Variants in CA10 observed in about 807,000 individuals in gnomAD.
CA10 encodes the protein carbonic anhydrase 10 (inactive), also known as carbonic anhydrase-related protein 10.
In CA10, 14 loss-of-function variants were observed where a neutral mutation model predicts 44.2. The observed-to-expected ratio is 0.32, with a 90% CI of 0.21 to 0.50. CA10 has a LOEUF of 0.50. Among genes scored for constraint, CA10 ranks in the 20% least tolerant of loss-of-function variants. The pLI is 0.99. For missense variants in CA10, 350 were observed against 409.7 expected, an observed-to-expected ratio of 0.85 and a Z score of 1.26; for synonymous variants, 159 against 141.6, an observed-to-expected ratio of 1.12 and a Z score of -0.87.
At chr17:51,660,861 C>T (rs1217147435) in intron 4 of CA10, among the ~76,000 whole-genome samples, 7 of 152,062 alleles carry the variant, frequency 4.6e-5, no homozygotes, top group Non-Finnish European at 8.8e-5. Flanking sequence ...TTCTTTCAGC[C>T]TCCCTTATAT....
intron 3 of CA10, among the ~76,000 whole-genome samples, chr17:51,777,441 G>T (rs550963004): frequency 2.0e-5 from 3 of 152,140 alleles, no homozygotes; most frequent in Non-Finnish European, 4.4e-5. Context: ...ATGGAGGGCC[G>T]ATTTTTTTGT....
chr17:51,987,183 A>G (rs1984870820), intron 2 of CA10, among the ~76,000 whole-genome samples: 2 of 152,056 alleles, frequency 1.3e-5, no homozygotes, highest in South Asian at 4.1e-4. Context: ...TTATGATGGA[A>G]TACTACTTAG....
intron 3 of CA10, among the ~76,000 whole-genome samples, chr17:51,784,376 G>T (rs566735717): frequency 6.6e-6 from 1 of 152,314 alleles, no homozygotes; most frequent in East Asian, 1.9e-4. Flanking sequence ...AGTTATGCCT[G>T]GTTTTGGAAA....
intron 2 of CA10, among the ~76,000 whole-genome samples, chr17:51,963,388 T>C (rs929940464): frequency 1.3e-5 from 2 of 151,966 alleles, no homozygotes; most frequent in African/African-American, 2.4e-5. Flanking sequence ...GCTAGAGAGG[T>C]AGACATCTAG....
At chr17:52,072,493 T>C (rs941506078) in intron 1 of CA10, 100 bp from the exon 2 acceptor site, 14 of 808,926 alleles carry the variant, frequency 1.7e-5, no homozygotes, top group Non-Finnish European at 2.9e-5. Flanking sequence ...AATAACCCTT[T>C]TCTACCCCAA....
intron 3 of CA10, among the ~76,000 whole-genome samples, chr17:51,907,477 T>C (rs1598111357): frequency 1.3e-5 from 2 of 152,138 alleles, no homozygotes; most frequent in East Asian, 1.9e-4. Flanking sequence ...TGTATATATG[T>C]GTGTATATAT....
intron 1 of CA10, among the ~76,000 whole-genome samples, chr17:52,086,288 A>G (rs1988115294): frequency 6.6e-6 from 1 of 152,198 alleles, no homozygotes; most frequent in African/African-American, 2.4e-5. Context: ...TTTCTCATAC[A>G]TATAAATTTC....
At chr17:52,136,010 A>T (rs1476627594) in intron 1 of CA10, among the ~76,000 whole-genome samples, 1 of 152,196 alleles carries the variant, frequency 6.6e-6, no homozygotes. Flanking sequence ...CAAATAAATA[A>T]GCCTTGCATA....
At chr17:51,990,612 GTGATCCTCTTTTC>G (rs1985007070) in intron 2 of CA10, among the ~76,000 whole-genome samples, 1 of 152,030 alleles carries the variant, frequency 6.6e-6, no homozygotes, top group South Asian at 2.1e-4. Flanking sequence ...ACATCAATTA[GTGATCCTCTTTTC>G]AGATTCTCTT....
rs193248523 is a variant in CA10, at chr17:51,708,381, G to A, written c.465+39252C>T. On this transcript the variant is annotated intron_variant, in intron 4 of 8. Coordinates refer to ENST00000451037, the MANE Select transcript of CA10 (RefSeq NM_020178.5). ...CAATATCAATATGCAACTTGTGATA[G>A]GTTGTAGTTAAATAAATTTGTTGTT... is the stretch of plus-strand genomic sequence containing the variant. 2.3e-3 allele frequency among the ~76,000 whole-genome samples: 355 copies of A among 152,284 alleles called. 1 individual carries two copies. The highest frequency in any genetic ancestry group is 7.7e-3 in the African/African-American group (321 of 41,568).
intron 4 of CA10, among the ~76,000 whole-genome samples, chr17:51,690,600 T>C (rs1341871235): frequency 6.6e-6 from 1 of 152,156 alleles, no homozygotes; most frequent in Non-Finnish European, 1.5e-5. Context: ...ATAAGTCTCA[T>C]GAGATCTGAT....
At chr17:51,867,743 T>A (rs1221325066) in intron 3 of CA10, among the ~76,000 whole-genome samples, 1 of 152,220 alleles carries the variant, frequency 6.6e-6, no homozygotes, top group Non-Finnish European at 1.5e-5. Context: ...ATGTCTGTAA[T>A]TGATCAGATT....
At position 51,636,028 on chromosome 17, in the gene CA10, C is replaced by T; in HGVS notation, c.635-19G>A. On this transcript the variant is annotated intron_variant, in intron 6 of 8. Coordinates refer to ENST00000451037, the MANE Select transcript of CA10 (RefSeq NM_020178.5). The stretch of plus-strand genomic sequence containing the variant: ...GCATCATCTAGAGAAGGAAAGAAGA[C>T]TTAAAAATTAGGTTTCTTGAGAAAG... 2.0e-6 allele frequency: 3 copies of T among 1,527,554 alleles called. No homozygotes were observed. The highest frequency in any genetic ancestry group is 2.7e-6 in the Non-Finnish European group (3 of 1,130,304). 94.6% of individuals were successfully genotyped at this position (1,527,554 alleles called of 1,614,324 possible).
chr17:52,051,324 C>T (rs1053974533), intron 2 of CA10, among the ~76,000 whole-genome samples: 1 of 151,840 alleles, frequency 6.6e-6, no homozygotes, highest in African/African-American at 2.4e-5. Context: ...TAAAGAACTT[C>T]TGCACAGCAA....
chr17:51,881,830 A>G (rs1369967450), intron 3 of CA10, among the ~76,000 whole-genome samples: 1 of 152,178 alleles, frequency 6.6e-6, no homozygotes, highest in African/African-American at 2.4e-5. Flanking sequence ...ATGACAGGAG[A>G]ACAGCTTTGG....
intron 3 of CA10, among the ~76,000 whole-genome samples, chr17:51,838,897 TAG>T (rs953000668): frequency 1.3e-4 from 20 of 152,242 alleles, no homozygotes; most frequent in African/African-American, 4.3e-4. Context: ...GTGCCCTTTA[TAG>T]ACTCTATGAA....
intron 1 of CA10, among the ~76,000 whole-genome samples, chr17:52,084,617 A>ATTTTTTTTTTTTTTT (rs1567728035): frequency 6.6e-6 from 1 of 152,078 alleles, no homozygotes; most frequent in African/African-American, 2.4e-5. Flanking sequence ...CCCCACCTGG[A>ATTTTTTTTTTTTTTT]TTTTTTATTC....
At chr17:52,081,572 G>A (rs984895182) in intron 1 of CA10, among the ~76,000 whole-genome samples, 4 of 151,952 alleles carry the variant, frequency 2.6e-5, no homozygotes, top group Non-Finnish European at 5.9e-5. Context: ...AGGCCGAGGC[G>A]GGCGGATCAC....
chr17:52,029,441 T>C (rs1246281155), intron 2 of CA10, among the ~76,000 whole-genome samples: 1 of 152,158 alleles, frequency 6.6e-6, no homozygotes, highest in Non-Finnish European at 1.5e-5. Flanking sequence ...CCTTGAATAA[T>C]CCTGTTCAGA....
Sources: gnomAD v4.1 joint callset for allele counts (sites outside exome capture counted in the v4.1 genomes callset) on GRCh38, gnomAD v4.1.1 for gene constraint, MANE v1.5 for transcripts, NCBI Gene and HGNC (gene_info 2026-07-23, HGNC 2026-07-21) for gene names.